Variants in ARID5B observed in about 807,000 individuals in gnomAD.
The protein encoded by ARID5B is AT-rich interactive domain-containing protein 5B.
ARID5B carries 13 observed loss-of-function variants against 97.2 expected under a neutral mutation model. The ratio of observed to expected loss-of-function variants is 0.13; its 90% confidence interval spans 0.09 to 0.21. ARID5B has a LOEUF of 0.21. Ranked by LOEUF, ARID5B falls within the 10% of genes least tolerant of loss-of-function variation. ARID5B has a pLI of 1.00. For synonymous variants in ARID5B, 556 were observed against 570.3 expected (o/e 0.97, Z 0.36); for missense variants, 1,210 against 1,465.3 (o/e 0.83, Z 2.84).
intron 3 of ARID5B, among the ~76,000 whole-genome samples, chr10:61,996,158 T>C (rs1838992915): frequency 6.6e-6 from 1 of 152,160 alleles, no homozygotes; most frequent in Non-Finnish European, 1.5e-5. Flanking sequence ...GAATGATGTA[T>C]CAATAATGTT....
In ARID5B at chr10:62,094,632, C is replaced by T; in HGVS notation, c.*1602C>T. On this transcript the variant is annotated 3_prime_UTR_variant, in exon 10 of 10. Transcript: ENST00000279873. ...CGTTGTCATTCTTGCCACTGTATTCCATTTGCTACCGAGATATAACATTAA... is the reference window on the plus strand; with the variant it reads ...CGTTGTCATTCTTGCCACTGTATTCTATTTGCTACCGAGATATAACATTAA... 1 of 230,854 alleles carries T rather than the reference C, an allele frequency of 4.3e-6. No homozygotes were observed. Among genetic ancestry groups the T allele is most frequent in the Admixed American group, 5.6e-5 (1 of 17,714 alleles). 14.3% of individuals were successfully genotyped at this position (230,854 alleles called of 1,614,324 possible). A position where few individuals can be genotyped will look rare whatever the true frequency, so the allele number is the denominator to read the frequency against.
At chr10:61,903,688 C>T (rs1332724627) in intron 2 of ARID5B, among the ~76,000 whole-genome samples, 5 of 152,176 alleles carry the variant, frequency 3.3e-5, no homozygotes, top group African/African-American at 1.2e-4. Context: ...TAACTCATCC[C>T]GGGGCTCGGA....
intron 2 of ARID5B, among the ~76,000 whole-genome samples, chr10:61,930,722 A>AAAATAAAT (rs55665606): frequency 0.081 from 11,390 of 140,320 alleles, 587 homozygotes; most frequent in East Asian, 0.14. Context: ...TCCGCCTCAA[A>AAAATAAAT]AAATAAATAA....
intron 2 of ARID5B, among the ~76,000 whole-genome samples, chr10:61,933,751 A>G (rs77873069): frequency 0.02 from 2,974 of 152,284 alleles, 92 homozygotes; most frequent in African/African-American, 0.068. Context: ...ATCCAGCTTC[A>G]TTTTTTCATT....
chr10:62,028,913 C>T (rs529925073), intron 4 of ARID5B, among the ~76,000 whole-genome samples: 121 of 149,986 alleles, frequency 8.1e-4, no homozygotes, highest in South Asian at 2.1e-3. Flanking sequence ...GCTGAGATCA[C>T]GCCACTGCGC....
At chr10:62,048,527 C>G (rs887077148) in intron 4 of ARID5B, among the ~76,000 whole-genome samples, 2 of 152,214 alleles carry the variant, frequency 1.3e-5, no homozygotes, top group Non-Finnish European at 1.5e-5. Flanking sequence ...AGGGCTTTTT[C>G]TCTTGATCAA....
chr10:61,991,340 A>C (rs934977245), intron 3 of ARID5B, among the ~76,000 whole-genome samples: 4 of 152,144 alleles, frequency 2.6e-5, no homozygotes, highest in Non-Finnish European at 5.9e-5. Flanking sequence ...ATTTCTCCAC[A>C]TCCTTGCCAA....
intron 4 of ARID5B, among the ~76,000 whole-genome samples, chr10:62,025,810 C>CAA (rs1839413083): frequency 2.7e-5 from 2 of 74,676 alleles, no homozygotes; most frequent in South Asian, 4.3e-4. Context: ...GGAGTGGAAG[C>CAA]GAAAAAAAAA....
At chr10:61,962,785 C>T (rs909856741) in intron 3 of ARID5B, among the ~76,000 whole-genome samples, 8 of 152,194 alleles carry the variant, frequency 5.3e-5, no homozygotes, top group African/African-American at 1.9e-4. Flanking sequence ...TACCTTCATC[C>T]ATCGACTAAC....
intron 4 of ARID5B, 99 bp from the exon 5 acceptor site, chr10:62,050,789 G>A: frequency 9.9e-7 from 1 of 1,012,086 alleles, no homozygotes; most frequent in Non-Finnish European, 1.5e-6. Flanking sequence ...ACATTTCTCT[G>A]AACAATTAGA....
intron 3 of ARID5B, among the ~76,000 whole-genome samples, chr10:61,998,901 A>G (rs554241800): frequency 6.6e-6 from 1 of 152,302 alleles, no homozygotes; most frequent in East Asian, 1.9e-4. Flanking sequence ...TTTTCTGCTT[A>G]TGTTATATGT....
At chr10:62,053,862 C>T (rs566494962) in intron 5 of ARID5B, among the ~76,000 whole-genome samples, 2 of 152,258 alleles carry the variant, frequency 1.3e-5, no homozygotes, top group African/African-American at 2.4e-5. Flanking sequence ...CTCATTTGGT[C>T]CTCAGAACTA....
At chr10:62,083,913 C>T (rs368543546) in intron 8 of ARID5B, among the ~76,000 whole-genome samples, 4 of 152,134 alleles carry the variant, frequency 2.6e-5, no homozygotes, top group East Asian at 1.9e-4. Context: ...AACAGGATTG[C>T]TTTTTTCTCT....
chr10:61,965,287 C>T (rs1322255951), intron 3 of ARID5B, among the ~76,000 whole-genome samples: 1 of 152,022 alleles, frequency 6.6e-6, no homozygotes, highest in African/African-American at 2.4e-5. Context: ...CTTTGAATAT[C>T]CCTCTTTAAA....
chr10:61,968,381 CG>C (rs1838577608), intron 3 of ARID5B, among the ~76,000 whole-genome samples: 1 of 151,382 alleles, frequency 6.6e-6, no homozygotes, highest in African/African-American at 2.4e-5. Flanking sequence ...TACACATAAT[CG>C]TTTTTGCCTG....
intron 2 of ARID5B, among the ~76,000 whole-genome samples, chr10:61,918,054 A>G (rs1843941589): frequency 1.3e-5 from 2 of 152,212 alleles, no homozygotes; most frequent in Non-Finnish European, 2.9e-5. Flanking sequence ...GGACATACCA[A>G]TACCGGATAT....
chr10:62,061,280 A>G (rs1261682585), intron 7 of ARID5B, among the ~76,000 whole-genome samples: 2 of 152,256 alleles, frequency 1.3e-5, no homozygotes, highest in African/African-American at 4.8e-5. Context: ...CTCTGAGGCC[A>G]TTTGGGAAGA....
intron 5 of ARID5B, among the ~76,000 whole-genome samples, chr10:62,055,103 C>T (rs1839838247): frequency 2.0e-5 from 3 of 152,120 alleles, no homozygotes. Flanking sequence ...TTGTCTTTTG[C>T]TTTTCATTTG....
chr10:61,971,022 A>T (rs994626287), intron 3 of ARID5B, among the ~76,000 whole-genome samples: 4 of 151,796 alleles, frequency 2.6e-5, no homozygotes, highest in Non-Finnish European at 5.9e-5. Context: ...GAAAGAGAAT[A>T]AAAAAGAAAG....
Sources: allele counts gnomAD v4.1 joint callset (sites outside exome capture counted in the v4.1 genomes callset), GRCh38; gene constraint gnomAD v4.1.1; transcripts MANE v1.5; gene names NCBI Gene and HGNC (gene_info 2026-07-23, HGNC 2026-07-21).